The following BUB1B variants were observed in gnomAD, a reference collection of about 807,000 sequenced individuals.
BUB1B encodes the protein mitotic checkpoint serine/threonine-protein kinase BUB1 beta.
A neutral mutation model predicts 137.7 loss-of-function variants in BUB1B; 86 were observed. The ratio of observed to expected loss-of-function variants is 0.62; its 90% CI spans 0.52 to 0.75. The LOEUF is 0.75. Among genes scored for constraint, BUB1B ranks in the 30% least tolerant of loss-of-function variants. BUB1B has a pLI of 0.00. For synonymous variants in BUB1B, 420 were observed against 417.9 expected (o/e 1.00, Z -0.06); for missense variants, 1,130 against 1,236.9 (o/e 0.91, Z 1.30).
At chr15:40,212,159 A>G (rs1313810243) in intron 18 of BUB1B, among the ~76,000 whole-genome samples, 1 of 152,180 alleles carries the variant, frequency 6.6e-6, no homozygotes, top group Non-Finnish European at 1.5e-5. Context: ...ATGGGATTCA[A>G]TCACTCCTGT....
At chr15:40,175,933 AC>A (rs374152785) in intron 4 of BUB1B, among the ~76,000 whole-genome samples, 2 of 151,838 alleles carry the variant, frequency 1.3e-5, no homozygotes, top group African/African-American at 4.8e-5. Context: ...TCAAATGTTA[AC>A]CCCTTCCTCC....
At chr15:40,196,030 G>C (rs1013997701) in intron 8 of BUB1B, among the ~76,000 whole-genome samples, 1 of 152,118 alleles carries the variant, frequency 6.6e-6, no homozygotes, top group African/African-American at 2.4e-5. Flanking sequence ...TTTGCTTTTG[G>C]GTTCTTGGTC....
chr15:40,186,882 A>C (rs1438590675), intron 8 of BUB1B: 2 of 152,114 alleles, frequency 1.3e-5, no homozygotes, highest in African/African-American at 2.4e-5. Flanking sequence ...TGCTCAGGAC[A>C]AGGGGAAGGC....
chr15:40,162,189 GGTTCTATATCTGA>G (rs2037049905), intron 1 of BUB1B, among the ~76,000 whole-genome samples: 1 of 152,202 alleles, frequency 6.6e-6, no homozygotes, highest in Admixed American at 6.5e-5. Flanking sequence ...AAAAGCTAGA[GGTTCTATATCTGA>G]GGAGAGTACA....
At chr15:40,191,660 G>A (rs904844417) in intron 8 of BUB1B, among the ~76,000 whole-genome samples, 1 of 152,184 alleles carries the variant, frequency 6.6e-6, no homozygotes, top group Non-Finnish European at 1.5e-5. Context: ...TATGGTATAA[G>A]GAAGGAGTCC....
intron 4 of BUB1B, 21 bp from the exon 5 acceptor site, chr15:40,176,456 C>T (rs1258230171): frequency 1.9e-6 from 3 of 1,612,458 alleles, no homozygotes; most frequent in Non-Finnish European, 2.5e-6. Context: ...AATTGGTTAA[C>T]TGTTAACACT....
At chr15:40,168,037 T>A (rs970107600) in intron 2 of BUB1B, among the ~76,000 whole-genome samples, 1 of 152,000 alleles carries the variant, frequency 6.6e-6, no homozygotes, top group East Asian at 1.9e-4. Context: ...TGAAATCATC[T>A]TGTCAATTTC....
At chr15:40,172,063 A>C (rs2037168766) in intron 4 of BUB1B, among the ~76,000 whole-genome samples, 1 of 151,986 alleles carries the variant, frequency 6.6e-6, no homozygotes, top group Non-Finnish European at 1.5e-5. Context: ...TTTCTTAATA[A>C]AATAAAGTAA....
intron 6 of BUB1B, among the ~76,000 whole-genome samples, chr15:40,184,781 G>C (rs1189925430): frequency 2.6e-5 from 4 of 152,234 alleles, no homozygotes; most frequent in South Asian, 2.1e-4. Context: ...GTATTCTCTA[G>C]TTCCAGTATA....
In BUB1B at chr15:40,199,600, CT is replaced by C; in HGVS notation, c.1289-12del. The C allele has an allele frequency of 6.2e-7, 1 of 1,608,984 alleles. No individual in the cohort carries two copies. The highest frequency in any genetic ancestry group is 8.5e-7 in the Non-Finnish European group (1 of 1,175,464). On this transcript the variant is annotated splice_polypyrimidine_tract_variant and intron_variant, in intron 9 of 22. Coordinates refer to ENST00000287598, the MANE Select transcript of BUB1B (RefSeq NM_001211.6). ...CTATGAGGAATAATACCTCAAGCAA[CT>C]TTACTGTTTCTAGCCGAGCTATTGA...
In BUB1B at chr15:40,161,259, G is replaced by T. The variant is rs769117219; in HGVS notation, c.35+4G>T. 8 of 1,612,322 alleles carry T rather than the reference G, an allele frequency of 5.0e-6. No homozygotes were observed. The Admixed American group carries it at 1.2e-4, about 24-fold the overall frequency. On this transcript the variant is annotated splice_donor_region_variant and intron_variant, in intron 1 of 22. Coordinates refer to ENST00000287598, the MANE Select transcript of BUB1B (RefSeq NM_001211.6). ...AGAAGGAAGGGGGTGCTCTGAGGTAGGTACGGGAGAAAGCTGCTGGGGGCT... is the reference window on the plus strand; with the variant it reads ...AGAAGGAAGGGGGTGCTCTGAGGTATGTACGGGAGAAAGCTGCTGGGGGCT...
chr15:40,177,965 GT>G (rs2037241598), intron 5 of BUB1B, among the ~76,000 whole-genome samples: 1 of 149,934 alleles, frequency 6.7e-6, no homozygotes, highest in Admixed American at 6.6e-5. Flanking sequence ...GGTAATTTAT[GT>G]CTTCTCAGTC....
At chr15:40,162,619 G>A (rs558424893) in intron 1 of BUB1B, among the ~76,000 whole-genome samples, 28 of 152,314 alleles carry the variant, frequency 1.8e-4, no homozygotes, top group Non-Finnish European at 3.1e-4. Context: ...CTGACTGACT[G>A]AGGGGTATGA....
At chr15:40,161,865 C>T (rs917183175) in intron 1 of BUB1B, among the ~76,000 whole-genome samples, 5 of 152,188 alleles carry the variant, frequency 3.3e-5, no homozygotes, top group African/African-American at 9.7e-5. Context: ...GTGGTGCCCG[C>T]AATACCTAGA....
intron 2 of BUB1B, among the ~76,000 whole-genome samples, chr15:40,165,732 G>A (rs1475571722): frequency 6.6e-6 from 1 of 151,810 alleles, no homozygotes; most frequent in Non-Finnish European, 1.5e-5. Context: ...TAAAAAAAAA[G>A]GTAAATCAGA....
In BUB1B at chr15:40,199,719, G is replaced by C. The variant is rs948366328; in HGVS notation, c.1393G>C (p.Gly465Arg). ...EIQTTQQERT[G>R]DQQEETMPTK... The stretch of plus-strand genomic sequence containing the variant: ...CCAAACTACTCAGCAAGAAAGAACA[G>C]GTGATCAGGTAATTTTTCTTTTTTC... Residue 465 changes from glycine to arginine, a missense_variant, in exon 10 of 23, where the codon GGT becomes CGT. Gly to Arg is a moderately radical substitution (Grantham distance 125). Coordinates refer to ENST00000287598, the MANE Select transcript of BUB1B (RefSeq NM_001211.6). 4 of 1,611,316 alleles carry C rather than the reference G, an allele frequency of 2.5e-6. No homozygotes were observed. The highest frequency in any genetic ancestry group is 2.7e-5 in the African/African-American group (2 of 74,990).
In BUB1B at chr15:40,211,035, C is replaced by A. The variant is rs2037704460; in HGVS notation, c.2385+825C>A. 2.0e-5 allele frequency among the ~76,000 whole-genome samples: 3 copies of A among 152,080 alleles called. No homozygotes were observed. In the South Asian group the frequency reaches 6.2e-4, roughly 31 times the overall value. On this transcript the variant is annotated intron_variant, in intron 18 of 22. Transcript: ENST00000287598. ...GAAAATTATTTTTCCCCTCAGTTTT[C>A]TCTGTTCTCTTATTCTCTAATTCCT...
Position 40,189,059 on chromosome 15 carries a change from C to T in BUB1B, c.1058+3417C>T, listed in dbSNP as rs76788516. Reference sequence around the variant, plus strand: ...CTCGATTCCCCACCATTACCCCAATCCCCACCCTAGCAACCAACTGTTTTT... The same window carrying T: ...CTCGATTCCCCACCATTACCCCAATTCCCACCCTAGCAACCAACTGTTTTT... On this transcript the variant is annotated intron_variant, in intron 8 of 22. Transcript: ENST00000287598. Among the ~76,000 whole-genome samples, 533 of 152,268 alleles carry T rather than the reference C, an allele frequency of 3.5e-3. 3 individuals are homozygous for T. The highest frequency in any genetic ancestry group is 6.2e-3 in the Non-Finnish European group (420 of 68,022).
intron 14 of BUB1B, among the ~76,000 whole-genome samples, chr15:40,203,971 A>G (rs2037606726): frequency 6.6e-6 from 1 of 152,188 alleles, no homozygotes; most frequent in Non-Finnish European, 1.5e-5. Flanking sequence ...CTAGGGAATC[A>G]TTTGGAGGAA....
Sources: allele counts gnomAD v4.1 joint callset (sites outside exome capture counted in the v4.1 genomes callset), GRCh38; gene constraint gnomAD v4.1.1; transcripts MANE v1.5; gene names NCBI Gene and HGNC (gene_info 2026-07-23, HGNC 2026-07-21).